Variants in SUCLG2 observed in about 807,000 individuals in gnomAD.
SUCLG2 encodes succinate--CoA ligase [GDP-forming] subunit beta, mitochondrial.
A neutral mutation model predicts 47.9 loss-of-function variants in SUCLG2; 42 were observed. The ratio of observed to expected loss-of-function variants is 0.88; its 90% CI spans 0.69 to 1.14. SUCLG2 has a LOEUF of 1.14. Among genes scored for constraint, SUCLG2 ranks in the 50% most tolerant of loss-of-function variants. The probability of loss-of-function intolerance (pLI) is 0.00; values close to 1 mark genes in which losing one functional copy is unlikely to be tolerated. For missense variants in SUCLG2, 571 were observed against 525.9 expected, an observed-to-expected ratio of 1.09 and a Z score of -0.84; for synonymous variants, 195 against 197.3, an observed-to-expected ratio of 0.99 and a Z score of 0.10.
In SUCLG2 at chr3:67,629,067, C is replaced by G. The variant is rs928227987; in HGVS notation, c.85-19471G>C. 3.3e-5 allele frequency among the ~76,000 whole-genome samples: 5 copies of G among 152,162 alleles called. No homozygotes were observed. In the East Asian group the frequency reaches 7.7e-4, roughly 23 times the overall value. On this transcript the variant is annotated intron_variant, in intron 1 of 10. Coordinates refer to ENST00000307227, the MANE Select transcript of SUCLG2 (RefSeq NM_003848.4). ...AACCTGCAGCATAATCTGTTCGGTA[C>G]GCTTTGGTGTAAGAACGTTTTCTGC...
chr3:67,543,674 T>C (rs1212079555), intron 2 of SUCLG2, among the ~76,000 whole-genome samples: 1 of 152,028 alleles, frequency 6.6e-6, no homozygotes, highest in Non-Finnish European at 1.5e-5. Flanking sequence ...CAAAAACAAA[T>C]AAATAAATGA....
chr3:67,650,943 T>G (rs1231463128), intron 1 of SUCLG2, among the ~76,000 whole-genome samples: 1 of 152,170 alleles, frequency 6.6e-6, no homozygotes, highest in African/African-American at 2.4e-5. Flanking sequence ...ACTGGCAGTA[T>G]GTACTCATAT....
intron 9 of SUCLG2, among the ~76,000 whole-genome samples, chr3:67,492,832 G>C (rs530712914): frequency 1.3e-5 from 2 of 152,210 alleles, no homozygotes; most frequent in South Asian, 4.1e-4. Flanking sequence ...ATCAGCATTT[G>C]GGTTAACAGT....
chr3:67,551,101 C>A lies in SUCLG2; in HGVS notation c.227-21915G>T, dbSNP rs749100007. On this transcript the variant is annotated intron_variant, in intron 2 of 10. Coordinates refer to ENST00000307227, the MANE Select transcript of SUCLG2 (RefSeq NM_003848.4). Reference sequence around the variant, plus strand: ...GTGTTAAGAATATATAAAACACTCACGTCTTGTATTTTTTGCAAGTATTCA... The same window carrying A: ...GTGTTAAGAATATATAAAACACTCAAGTCTTGTATTTTTTGCAAGTATTCA... Among the ~76,000 whole-genome samples the A allele has an allele frequency of 2.0e-5, 3 of 152,094 alleles. No homozygotes were observed. The South Asian group carries it at 6.2e-4, about 32-fold the overall frequency.
At chr3:67,378,204 T>C (rs977643052) in intron 10 of SUCLG2, among the ~76,000 whole-genome samples, 4 of 152,230 alleles carry the variant, frequency 2.6e-5, no homozygotes, top group Non-Finnish European at 4.4e-5. Context: ...CAATCACTCT[T>C]GCCTCCTGGT....
chr3:67,392,214 C>G (rs1252914526), intron 10 of SUCLG2, among the ~76,000 whole-genome samples: 1 of 152,136 alleles, frequency 6.6e-6, no homozygotes, highest in Admixed American at 6.5e-5. Context: ...TTTCACTTCA[C>G]AGTGACATCT....
intron 10 of SUCLG2, among the ~76,000 whole-genome samples, chr3:67,365,482 T>C (rs2106742489): frequency 6.6e-6 from 1 of 152,324 alleles, no homozygotes; most frequent in East Asian, 1.9e-4. Context: ...AGTGACTAGT[T>C]ATGACTTCAG....
Position 67,528,079 on chromosome 3 carries a change from C to T in SUCLG2, c.417+53G>A, listed in dbSNP as rs566844601. On this transcript the variant is annotated intron_variant, in intron 4 of 10. Transcript: ENST00000307227. ...CTGTCAAAAACTGAAGGATGGTTTT[C>T]TTTTCTATTTTTTAACACATATATA... The T allele has an allele frequency of 7.3e-6, 11 of 1,507,078 alleles. No homozygotes were observed. The African/African-American group carries it at 1.4e-4, about 19-fold the overall frequency. 93.4% of individuals were successfully genotyped at this position (1,507,078 alleles called of 1,614,324 possible).
chr3:67,578,015 G>A (rs1056429013), intron 2 of SUCLG2, among the ~76,000 whole-genome samples: 1 of 151,932 alleles, frequency 6.6e-6, no homozygotes, highest in Non-Finnish European at 1.5e-5. Flanking sequence ...TGAAGTAAGG[G>A]GGGAAGACCA....
chr3:67,515,477 T>C (rs557144408), intron 6 of SUCLG2, among the ~76,000 whole-genome samples: 2 of 152,340 alleles, frequency 1.3e-5, no homozygotes, highest in East Asian at 1.9e-4. Context: ...ATTTTTGTTA[T>C]GTCTAATATT....
At chr3:67,360,860 T>C (rs1224675692) in intron 10 of SUCLG2, 1 of 1,022,962 alleles carries the variant, frequency 9.8e-7, no homozygotes, top group Non-Finnish European at 1.3e-6. Context: ...ATCCTGTTAC[T>C]CCTATTCCTT....
chr3:67,438,774 T>A (rs1029462346), intron 9 of SUCLG2, among the ~76,000 whole-genome samples: 1 of 151,772 alleles, frequency 6.6e-6, no homozygotes, highest in Non-Finnish European at 1.5e-5. Context: ...ACATCAAGGA[T>A]CAGACGGATT....
intron 9 of SUCLG2, among the ~76,000 whole-genome samples, chr3:67,410,874 T>C (rs1263785731): frequency 1.3e-5 from 2 of 152,244 alleles, no homozygotes; most frequent in African/African-American, 4.8e-5. Context: ...TACTCATTGC[T>C]TATAATGCAG....
intron 9 of SUCLG2, among the ~76,000 whole-genome samples, chr3:67,439,011 C>T (rs976196552): frequency 6.6e-6 from 1 of 152,150 alleles, no homozygotes; most frequent in Admixed American, 6.5e-5. Context: ...AAACCAAATC[C>T]AGTAGCACAT....
chr3:67,652,013 C>T (rs1219383869), intron 1 of SUCLG2, among the ~76,000 whole-genome samples: 1 of 152,118 alleles, frequency 6.6e-6, no homozygotes, highest in Non-Finnish European at 1.5e-5. Context: ...CCTCATTCAC[C>T]ATCCCCAAAC....
chr3:67,486,016 TA>T (rs1450491848), intron 9 of SUCLG2, among the ~76,000 whole-genome samples: 10 of 152,232 alleles, frequency 6.6e-5, no homozygotes, highest in African/African-American at 2.4e-4. Context: ...CTCATGTCTG[TA>T]ATCCCAGCAC....
chr3:67,461,493 T>C (rs958594357), intron 9 of SUCLG2, among the ~76,000 whole-genome samples: 3 of 151,508 alleles, frequency 2.0e-5, no homozygotes, highest in African/African-American at 7.3e-5. Flanking sequence ...CGGAATCATA[T>C]ATTATGTATC....
At chr3:67,575,406 T>G (rs1401984411) in intron 2 of SUCLG2, among the ~76,000 whole-genome samples, 2 of 152,138 alleles carry the variant, frequency 1.3e-5, no homozygotes, top group African/African-American at 4.8e-5. Flanking sequence ...TCAAAAACAG[T>G]ATGCTATGAA....
At chr3:67,515,572 C>T (rs1705922324) in intron 6 of SUCLG2, among the ~76,000 whole-genome samples, 1 of 152,114 alleles carries the variant, frequency 6.6e-6, no homozygotes, top group Non-Finnish European at 1.5e-5. Context: ...GATATTCAAC[C>T]ATGAGTGAGG....
Sources: gnomAD v4.1 joint callset for allele counts (sites outside exome capture counted in the v4.1 genomes callset) on GRCh38, gnomAD v4.1.1 for gene constraint, MANE v1.5 for transcripts, NCBI Gene and HGNC (gene_info 2026-07-23, HGNC 2026-07-21) for gene names.